The following PES1 variants were observed in gnomAD, a reference collection of about 807,000 sequenced individuals.
The protein encoded by PES1 is pescadillo homolog.
PES1 carries 31 observed loss-of-function variants against 77.1 expected under a neutral mutation model. That is an observed-to-expected ratio of 0.40 (90% CI 0.30 to 0.54). The LOEUF is 0.54. Ranked by LOEUF, PES1 falls within the 20% of genes least tolerant of loss-of-function variation. The pLI is 0.45. For missense variants in PES1, 658 were observed against 771.7 expected (o/e 0.85, Z 1.75); for synonymous variants, 282 against 303.0 (o/e 0.93, Z 0.72).
At chr22:30,579,406 G>A (rs1004459512) in intron 12 of PES1, 103 bp from the exon 13 acceptor site, 6 of 1,559,460 alleles carry the variant, frequency 3.8e-6, no homozygotes, top group Non-Finnish European at 4.3e-6. Flanking sequence ...GCCGTCTTTA[G>A]CCATGGGCAG....
At chr22:30,578,770 A>T (rs1331509952) in intron 14 of PES1, 67 bp downstream of exon 14, 1 of 1,546,390 alleles carries the variant, frequency 6.5e-7, no homozygotes, top group East Asian at 2.2e-5. Context: ...CCCAAGCCAC[A>T]TAAGTTCACC....
intron 14 of PES1, among the ~76,000 whole-genome samples, chr22:30,578,114 C>G (rs755838236): frequency 1.3e-5 from 2 of 152,194 alleles, no homozygotes; most frequent in Non-Finnish European, 2.9e-5. Context: ...AAAACCCCGT[C>G]TCTACTAAAA....
At chr22:30,577,280 T>C in intron 14 of PES1, 151 bp from the exon 15 acceptor site, 1 of 664,468 alleles carries the variant, frequency 1.5e-6, no homozygotes, top group South Asian at 1.8e-5. Context: ...CACTTCATGG[T>C]GAGAAAACAT....
chr22:30,582,041 T>G (rs887887401), intron 6 of PES1, among the ~76,000 whole-genome samples: 7 of 152,240 alleles, frequency 4.6e-5, no homozygotes, highest in African/African-American at 1.7e-4. Context: ...CTTTCCGACC[T>G]GGCCAGAGCT....
chr22:30,585,012 C>A (rs1181159857), intron 4 of PES1, among the ~76,000 whole-genome samples: 1 of 152,130 alleles, frequency 6.6e-6, no homozygotes. Context: ...TTGTGGTGCA[C>A]GACGGTAGAC....
At chr22:30,597,866 A>G (rs1040624048) in intron 2 of PES1, among the ~76,000 whole-genome samples, 5 of 139,588 alleles carry the variant, frequency 3.6e-5, no homozygotes, top group African/African-American at 1.1e-4. Flanking sequence ...TTTTTTTTCC[A>G]CGCAGTTGAA....
chr22:30,605,690 TC>T (rs2087427449), intron 1 of PES1, among the ~76,000 whole-genome samples: 1 of 152,150 alleles, frequency 6.6e-6, no homozygotes, highest in African/African-American at 2.4e-5. Context: ...CCTCCCTCCT[TC>T]CTCAGAACCT....
chr22:30,577,557 G>A (rs1354750770), intron 14 of PES1, among the ~76,000 whole-genome samples: 1 of 152,200 alleles, frequency 6.6e-6, no homozygotes, highest in Non-Finnish European at 1.5e-5. Flanking sequence ...CTGGAGCACA[G>A]TGGCACAATC....
In PES1 at chr22:30,591,888, C is replaced by A; in HGVS notation, c.-55G>T. 1 of 1,529,704 alleles carries A rather than the reference C, an allele frequency of 6.5e-7. No homozygotes were observed. The highest frequency in any genetic ancestry group is 2.1e-5 in the Admixed American group (1 of 48,502). 94.8% of individuals were successfully genotyped at this position (1,529,704 alleles called of 1,614,324 possible). On this transcript the variant is annotated 5_prime_UTR_variant, in exon 1 of 15. Coordinates refer to ENST00000354694, the MANE Select transcript of PES1 (RefSeq NM_014303.4). Reference sequence around the variant, plus strand: ...GCGCGTACAGGGAGCTCCACTTCCTCCCGCACGTGCCCTGCCAAGGACCCC... The same window carrying A: ...GCGCGTACAGGGAGCTCCACTTCCTACCGCACGTGCCCTGCCAAGGACCCC...
chr22:30,576,915 A>C lies in PES1; in HGVS notation c.*131T>G. ...CCCACTGGCCCAGCCAGAGAGCATG[A>C]GGGGTCAGGGCTGGCTGGAGAAAGG... On this transcript the variant is annotated 3_prime_UTR_variant, in exon 15 of 15. Coordinates refer to ENST00000354694, the MANE Select transcript of PES1 (RefSeq NM_014303.4). 2 of 770,096 alleles carry C rather than the reference A, an allele frequency of 2.6e-6. No individual in the cohort carries two copies. 47.7% of individuals were successfully genotyped at this position (770,096 alleles called of 1,614,324 possible).
chr22:30,593,313 C>A (rs1472448133), upstream of PES1, among the ~76,000 whole-genome samples: 4 of 151,998 alleles, frequency 2.6e-5, no homozygotes, highest in South Asian at 6.2e-4. Context: ...ATGGCGAAAA[C>A]CCATCTCTAC....
Position 30,584,680 on chromosome 22 carries a change from C to T in PES1, c.406G>A (p.Asp136Asn), listed in dbSNP as rs1309488100. The T allele has an allele frequency of 5.0e-6, 8 of 1,613,774 alleles. No individual in the cohort carries two copies. The highest frequency in any genetic ancestry group is 2.2e-5 in the East Asian group (1 of 44,892). The stretch of plus-strand genomic sequence containing the variant: ...AACAGGAAGCACATGGAGAGGGCAT[C>T]GTCCAGGTCCCGCAGGGCATCGATG... ...TFIDALRDLDDALSMCFLFST... is the reference protein window; with the variant it reads ...TFIDALRDLDNALSMCFLFST... The change falls in exon 5 of 15, where the codon GAT becomes AAT. Residue 136 changes from aspartate to asparagine, a missense_variant. By Grantham distance (23) the Asp-to-Asn change is conservative (BLOSUM62 1). Transcript: ENST00000354694.
At position 30,581,541 on chromosome 22, in the gene PES1, T is replaced by G; in HGVS notation, c.734A>C (p.His245Pro). The change falls in exon 7 of 15, where the codon CAC (histidine) becomes CCC (proline). Residue 245 changes from histidine (H) to proline (P), a missense_variant. Coordinates refer to ENST00000354694, the MANE Select transcript of PES1 (RefSeq NM_014303.4). Reference sequence around the variant, plus strand: ...CTGGGGTCCTACCTTCGGGGGATAGTGGAGGTTGAGCAACTGGTAAAGGCG... The same window carrying G: ...CTGGGGTCCTACCTTCGGGGGATAGGGGAGGTTGAGCAACTGGTAAAGGCG... The part of the protein sequence containing the change: ...NFRLYQLLNL[H>P]YPPKLEGQAQ... The G allele has an allele frequency of 6.2e-7, 1 of 1,613,498 alleles. No individual in the cohort carries two copies. The highest frequency in any genetic ancestry group is 2.2e-5 in the East Asian group (1 of 44,878).
upstream of PES1, among the ~76,000 whole-genome samples, chr22:30,593,144 C>CA (rs1298539347): frequency 6.6e-6 from 1 of 152,112 alleles, no homozygotes; most frequent in Non-Finnish European, 1.5e-5. Flanking sequence ...ATGTGACTTG[C>CA]ACTATCTAAT....
chr22:30,593,052 G>C (rs1194951118), upstream of PES1, among the ~76,000 whole-genome samples: 2 of 151,960 alleles, frequency 1.3e-5, no homozygotes, highest in Non-Finnish European at 2.9e-5. Flanking sequence ...AGGCTCTTGT[G>C]AATGTGACCT....
intron 2 of PES1, among the ~76,000 whole-genome samples, chr22:30,600,653 A>G (rs557832282): frequency 3.3e-5 from 5 of 152,282 alleles, no homozygotes; most frequent in African/African-American, 1.2e-4. Context: ...CGTCTCTACT[A>G]AAACTACAAA....
At chr22:30,580,244 C>T (rs1037019374) in intron 10 of PES1, 66 bp from the exon 11 acceptor site, 6 of 1,546,010 alleles carry the variant, frequency 3.9e-6, no homozygotes, top group Middle Eastern at 1.7e-4. Flanking sequence ...GACTCAGCTC[C>T]CTGGGACCTG....
intron 12 of PES1, 100 bp downstream of exon 12, chr22:30,579,651 C>A (rs1428102341): frequency 8.6e-7 from 1 of 1,167,946 alleles, no homozygotes; most frequent in Non-Finnish European, 1.2e-6. Flanking sequence ...GGGCTTTCTG[C>A]TCCTACTGCC....
At position 30,589,280 on chromosome 22, in the gene PES1, GA is replaced by G. The variant is rs933697339; in HGVS notation, c.25-11del. On this transcript the variant is annotated splice_polypyrimidine_tract_variant and intron_variant, in intron 1 of 14. Transcript: ENST00000354694. ...CCGAGCCTCGTTCATACTGGGAGAG[GA>G]AAAAAACAATTCTCCATTAGCAATG... The G allele has an allele frequency of 3.1e-6, 5 of 1,607,438 alleles. No homozygotes were observed. The highest frequency in any genetic ancestry group is 1.3e-5 in the African/African-American group (1 of 74,614).
Sources: gnomAD v4.1 joint callset for allele counts (sites outside exome capture counted in the v4.1 genomes callset) on GRCh38, gnomAD v4.1.1 for gene constraint, MANE v1.5 for transcripts, NCBI Gene and HGNC (gene_info 2026-07-23, HGNC 2026-07-21) for gene names.